Variants in NALF1 observed in about 807,000 individuals in gnomAD.
The protein encoded by NALF1 is NALCN channel auxiliary factor 1.
In NALF1, 3 loss-of-function variants were observed where a neutral mutation model predicts 48.4. The observed-to-expected ratio is 0.06, with a 90% CI of 0.03 to 0.16. The LOEUF is 0.16. Ranked by LOEUF, NALF1 falls within the 10% of genes least tolerant of loss-of-function variation. The pLI, the probability that NALF1 is intolerant of heterozygous loss-of-function variation, is 1.00. For missense variants in NALF1, 526 were observed against 571.5 expected (o/e 0.92, Z 0.81); for synonymous variants, 262 against 245.7 (o/e 1.07, Z -0.62).
chr13:107,847,090 TG>T (rs1880191447), intron 1 of NALF1, among the ~76,000 whole-genome samples: 2 of 152,124 alleles, frequency 1.3e-5, no homozygotes, highest in Non-Finnish European at 2.9e-5. Context: ...TACATTGTTT[TG>T]GGGAAAAAAA....
chr13:107,423,965 T>C (rs916403955), intron 1 of NALF1, among the ~76,000 whole-genome samples: 2 of 152,266 alleles, frequency 1.3e-5, no homozygotes, highest in East Asian at 3.9e-4. Context: ...TGGGATGATG[T>C]GTTTCAGTAG....
intron 1 of NALF1, among the ~76,000 whole-genome samples, chr13:107,452,752 A>C (rs2139036496): frequency 6.6e-6 from 1 of 152,306 alleles, no homozygotes; most frequent in Admixed American, 6.5e-5. Flanking sequence ...CCAACTTTAA[A>C]GTCTCTTCTG....
At chr13:107,538,623 A>C (rs1010905063) in intron 1 of NALF1, among the ~76,000 whole-genome samples, 1 of 152,108 alleles carries the variant, frequency 6.6e-6, no homozygotes, top group Non-Finnish European at 1.5e-5. Flanking sequence ...TCTTAGTTCT[A>C]ATCATATGAT....
At chr13:107,218,427 T>C (rs986392030) in intron 1 of NALF1, among the ~76,000 whole-genome samples, 1 of 152,178 alleles carries the variant, frequency 6.6e-6, no homozygotes, top group African/African-American at 2.4e-5. Context: ...ACTAGTAACA[T>C]GGCCTTTGGG....
chr13:107,352,599 A>G (rs958395106), intron 1 of NALF1, among the ~76,000 whole-genome samples: 4 of 152,198 alleles, frequency 2.6e-5, no homozygotes, highest in African/African-American at 9.7e-5. Context: ...AGAGCTCTCA[A>G]GTGTCTTACT....
At chr13:107,455,646 T>C (rs80076829) in intron 1 of NALF1, among the ~76,000 whole-genome samples, 2,417 of 152,288 alleles carry the variant, frequency 0.016, 66 homozygotes, top group African/African-American at 0.055. Flanking sequence ...TATAGCATCA[T>C]ACAGAGTAGT....
intron 1 of NALF1, among the ~76,000 whole-genome samples, chr13:107,213,241 A>AAAAAG (rs1207106970): frequency 2.0e-5 from 3 of 150,692 alleles, no homozygotes; most frequent in Non-Finnish European, 4.4e-5. Flanking sequence ...AAAAAAAAAA[A>AAAAAG]AAAAAAAAAG....
chr13:107,484,367 G>A (rs1472892399), intron 1 of NALF1, among the ~76,000 whole-genome samples: 4 of 152,208 alleles, frequency 2.6e-5, no homozygotes, highest in Non-Finnish European at 4.4e-5. Context: ...TTTCAATCAT[G>A]AGAACATATT....
chr13:107,268,956 G>T (rs1881098871), intron 1 of NALF1, among the ~76,000 whole-genome samples: 3 of 152,070 alleles, frequency 2.0e-5, no homozygotes, highest in African/African-American at 7.2e-5. Context: ...GTGATTAGAT[G>T]AGTGTTTTTC....
At chr13:107,235,932 A>C (rs1566459899) in intron 1 of NALF1, among the ~76,000 whole-genome samples, 2 of 152,328 alleles carry the variant, frequency 1.3e-5, no homozygotes, top group South Asian at 2.1e-4. Flanking sequence ...TTTTGGGGAC[A>C]TGTTAAGGCA....
intron 1 of NALF1, among the ~76,000 whole-genome samples, chr13:107,504,194 T>C (rs1875618542): frequency 6.9e-6 from 1 of 145,522 alleles, no homozygotes; most frequent in South Asian, 2.1e-4. Flanking sequence ...GAGGTTTCAG[T>C]GAGCTGAGAT....
intron 1 of NALF1, among the ~76,000 whole-genome samples, chr13:107,782,589 A>G (rs1466822317): frequency 1.4e-5 from 2 of 142,400 alleles, no homozygotes; most frequent in Admixed American, 7.0e-5. Flanking sequence ...CCCGGCTGCC[A>G]TCCCATCTAG....
At chr13:107,337,552 C>T (rs1036823298) in intron 1 of NALF1, among the ~76,000 whole-genome samples, 1 of 152,070 alleles carries the variant, frequency 6.6e-6, no homozygotes. Flanking sequence ...GAATACTTTT[C>T]CTTCACATCA....
At chr13:107,683,873 G>C (rs1273628372) in intron 1 of NALF1, among the ~76,000 whole-genome samples, 1 of 152,166 alleles carries the variant, frequency 6.6e-6, no homozygotes, top group Non-Finnish European at 1.5e-5. Flanking sequence ...GACACCTGCT[G>C]AGGGGACCCA....
chr13:107,626,866 T>C (rs1879688747), intron 1 of NALF1, among the ~76,000 whole-genome samples: 1 of 152,070 alleles, frequency 6.6e-6, no homozygotes, highest in African/African-American at 2.4e-5. Context: ...GATGGTAAAC[T>C]ATATATGCAT....
At chr13:107,618,137 T>C (rs1879429741) in intron 1 of NALF1, among the ~76,000 whole-genome samples, 1 of 151,218 alleles carries the variant, frequency 6.6e-6, no homozygotes, top group Admixed American at 6.6e-5. Context: ...GAAAATAAAA[T>C]AAGGTCGAAA....
intron 2 of NALF1, among the ~76,000 whole-genome samples, chr13:107,199,973 C>T (rs1033809766): frequency 6.7e-6 from 1 of 150,014 alleles, no homozygotes; most frequent in South Asian, 2.1e-4. Flanking sequence ...GCTCAAAGGA[C>T]GGAGTTGCTA....
chr13:107,338,960 G>A (rs1465383242), intron 1 of NALF1, among the ~76,000 whole-genome samples: 2 of 151,752 alleles, frequency 1.3e-5, no homozygotes, highest in South Asian at 2.1e-4. Flanking sequence ...GTGAAACCCC[G>A]TCTCTACTAA....
chr13:107,852,777 G>T (rs1176490144), intron 1 of NALF1, among the ~76,000 whole-genome samples: 1 of 152,250 alleles, frequency 6.6e-6, no homozygotes, highest in African/African-American at 2.4e-5. Flanking sequence ...ATTATCTGTT[G>T]TCATGGCATC....
Sources: gnomAD v4.1 joint callset for allele counts (sites outside exome capture counted in the v4.1 genomes callset) on GRCh38, gnomAD v4.1.1 for gene constraint, MANE v1.5 for transcripts, NCBI Gene and HGNC (gene_info 2026-07-23, HGNC 2026-07-21) for gene names.